Variants in STPG2 observed in about 807,000 individuals in gnomAD.
STPG2 encodes sperm-tail PG-rich repeat-containing protein 2.
A neutral mutation model predicts 54.2 loss-of-function variants in STPG2; 56 were observed. The ratio of observed to expected loss-of-function variants is 1.03; its 90% CI spans 0.83 to 1.29. STPG2 has a LOEUF of 1.29. Among genes scored for constraint, STPG2 ranks in the 50% most tolerant of loss-of-function variants. STPG2 has a pLI of 0.00. For synonymous variants in STPG2, 200 were observed against 181.8 expected (o/e 1.10, Z -0.81); for missense variants, 596 against 544.9 (o/e 1.09, Z -0.93).
chr4:97,687,079 T>A (rs958652685), intron 10 of STPG2, among the ~76,000 whole-genome samples: 8 of 151,746 alleles, frequency 5.3e-5, no homozygotes, highest in African/African-American at 1.9e-4. Context: ...TAGCTGGGAC[T>A]ACAGGCGCTG....
chr4:97,785,587 T>C (rs545555959), intron 9 of STPG2, among the ~76,000 whole-genome samples: 104 of 152,198 alleles, frequency 6.8e-4, no homozygotes, highest in African/African-American at 2.5e-3. Flanking sequence ...TCAAATGTTA[T>C]AGTGGTTATG....
chr4:97,743,321 A>G (rs1206573924), intron 9 of STPG2, among the ~76,000 whole-genome samples: 1 of 151,754 alleles, frequency 6.6e-6, no homozygotes, highest in Non-Finnish European at 1.5e-5. Flanking sequence ...CAGAGTAAGC[A>G]AAGGGATGAT....
At chr4:97,537,911 G>A (rs568197107) in intron 4 of STPG2, among the ~76,000 whole-genome samples, 4 of 152,300 alleles carry the variant, frequency 2.6e-5, no homozygotes, top group East Asian at 3.9e-4. Context: ...TGCAGCCTCC[G>A]CTGCTGATAC....
intron 9 of STPG2, among the ~76,000 whole-genome samples, chr4:97,725,918 C>G (rs1436323571): frequency 2.6e-5 from 4 of 151,516 alleles, no homozygotes; most frequent in Admixed American, 6.6e-5. Flanking sequence ...CTTAAGTCCC[C>G]CACAAAGGAA....
At chr4:98,001,068 T>C (rs1423537385) in intron 5 of STPG2, among the ~76,000 whole-genome samples, 1 of 152,130 alleles carries the variant, frequency 6.6e-6, no homozygotes, top group East Asian at 1.9e-4. Flanking sequence ...TGATTCCGTA[T>C]TACATCTGCT....
At chr4:97,928,438 T>C (rs995777058) in intron 8 of STPG2, among the ~76,000 whole-genome samples, 1 of 152,196 alleles carries the variant, frequency 6.6e-6, no homozygotes, top group African/African-American at 2.4e-5. Flanking sequence ...CCATTCCAAA[T>C]GCATATTAAA....
chr4:97,778,332 C>T (rs1469318591), intron 9 of STPG2, among the ~76,000 whole-genome samples: 1 of 152,164 alleles, frequency 6.6e-6, no homozygotes, highest in African/African-American at 2.4e-5. Context: ...GAGCCTCGCT[C>T]ATTCCTAGCA....
intron 4 of STPG2, among the ~76,000 whole-genome samples, chr4:97,491,488 G>T (rs901691962): frequency 4.6e-5 from 7 of 151,360 alleles, no homozygotes; most frequent in Admixed American, 4.0e-4. Flanking sequence ...TATCAAAAAG[G>T]GTCACTTGGC....
chr4:97,883,522 T>C (rs1440123770), intron 8 of STPG2, among the ~76,000 whole-genome samples: 4 of 151,934 alleles, frequency 2.6e-5, no homozygotes, highest in African/African-American at 7.3e-5. Context: ...AAAAGGTGAC[T>C]AACATGAATG....
At chr4:97,472,861 C>T (rs1394573090) in intron 4 of STPG2, among the ~76,000 whole-genome samples, 1 of 152,172 alleles carries the variant, frequency 6.6e-6, no homozygotes, top group African/African-American at 2.4e-5. Flanking sequence ...GAGGAACAGG[C>T]TGAAGCCATG....
At chr4:97,869,264 A>C (rs2149151708) in intron 8 of STPG2, among the ~76,000 whole-genome samples, 1 of 151,874 alleles carries the variant, frequency 6.6e-6, no homozygotes, top group South Asian at 2.1e-4. Context: ...TTTTAAAACT[A>C]AAATTAGCTC....
chr4:97,777,305 T>C (rs1726409240), intron 9 of STPG2, among the ~76,000 whole-genome samples: 1 of 151,456 alleles, frequency 6.6e-6, no homozygotes, highest in South Asian at 2.1e-4. Context: ...TGTCGATTTT[T>C]AGCCAATATT....
At chr4:97,546,548 T>C (rs2148865043) in intron 4 of STPG2, among the ~76,000 whole-genome samples, 1 of 152,196 alleles carries the variant, frequency 6.6e-6, no homozygotes, top group South Asian at 2.1e-4. Context: ...GAAGATAAAT[T>C]TTTCTTTGTT....
At chr4:97,549,335 T>A (rs1176658399) in intron 4 of STPG2, among the ~76,000 whole-genome samples, 1 of 152,222 alleles carries the variant, frequency 6.6e-6, no homozygotes, top group Non-Finnish European at 1.5e-5. Flanking sequence ...AAATGTAAAT[T>A]TTCTCTGACT....
At chr4:97,534,272 A>T (rs979397771) in intron 4 of STPG2, among the ~76,000 whole-genome samples, 10 of 152,078 alleles carry the variant, frequency 6.6e-5, no homozygotes, top group African/African-American at 2.4e-4. Flanking sequence ...AATTTTTATT[A>T]CATTCTGTGT....
chr4:97,843,796 C>T (rs558130030), intron 8 of STPG2, among the ~76,000 whole-genome samples: 1 of 151,910 alleles, frequency 6.6e-6, no homozygotes, highest in South Asian at 2.1e-4. Flanking sequence ...TGATTTTATT[C>T]ATTTCTGTCA....
intron 10 of STPG2, among the ~76,000 whole-genome samples, chr4:97,621,112 C>G (rs909093164): frequency 2.6e-5 from 4 of 152,036 alleles, no homozygotes; most frequent in Non-Finnish European, 5.9e-5. Flanking sequence ...ATACAACATA[C>G]CAGAATCTCT....
intron 4 of STPG2, among the ~76,000 whole-genome samples, chr4:97,512,786 CT>C (rs537932282): frequency 1.3e-5 from 2 of 152,010 alleles, no homozygotes; most frequent in East Asian, 1.9e-4. Flanking sequence ...AATCTAAAAT[CT>C]TTTTTTCATA....
chr4:98,022,812 G>A (rs1578790341), intron 5 of STPG2, among the ~76,000 whole-genome samples: 2 of 152,116 alleles, frequency 1.3e-5, no homozygotes, highest in South Asian at 4.2e-4. Flanking sequence ...GATCGCATCG[G>A]CTCCTGAGGC....
Sources: allele counts gnomAD v4.1 joint callset (sites outside exome capture counted in the v4.1 genomes callset), GRCh38; gene constraint gnomAD v4.1.1; transcripts MANE v1.5; gene names NCBI Gene and HGNC (gene_info 2026-07-23, HGNC 2026-07-21).